The following UNC5C variants were observed in gnomAD, a reference collection of about 807,000 sequenced individuals.
The protein encoded by UNC5C is unc-5 netrin receptor C.
UNC5C carries 47 observed loss-of-function variants against 99.8 expected under a neutral mutation model. That is an observed-to-expected ratio of 0.47 (90% CI 0.37 to 0.60). The LOEUF (loss-of-function observed/expected upper bound fraction) is 0.60. UNC5C is among the 20% of genes least tolerant of loss of function. UNC5C has a pLI of 0.00. For missense variants in UNC5C, 1,062 were observed against 1,165.9 expected, an observed-to-expected ratio of 0.91 and a Z score of 1.30; for synonymous variants, 487 against 452.2, an observed-to-expected ratio of 1.08 and a Z score of -0.98.
chr4:95,348,885 G>A (rs1209517448), intron 1 of UNC5C, among the ~76,000 whole-genome samples: 3 of 148,914 alleles, frequency 2.0e-5, no homozygotes, highest in Non-Finnish European at 4.4e-5. Context: ...AACTTCACAG[G>A]TTCACACATA....
chr4:95,351,515 C>T (rs1387353644), intron 1 of UNC5C, among the ~76,000 whole-genome samples: 1 of 151,886 alleles, frequency 6.6e-6, no homozygotes, highest in Non-Finnish European at 1.5e-5. Context: ...AGATCCAGTT[C>T]CCACATTTAA....
intron 4 of UNC5C, among the ~76,000 whole-genome samples, chr4:95,266,103 C>CA (rs372882607): frequency 1.3e-5 from 2 of 151,964 alleles, no homozygotes; most frequent in Non-Finnish European, 2.9e-5. Flanking sequence ...TAATATCTTC[C>CA]AAAAAAACAC....
intron 2 of UNC5C, among the ~76,000 whole-genome samples, chr4:95,319,666 G>A (rs1032658305): frequency 6.6e-6 from 1 of 152,120 alleles, no homozygotes; most frequent in African/African-American, 2.4e-5. Flanking sequence ...CAGGACTGAT[G>A]GTAAACACGG....
chr4:95,314,135 A>C (rs1320624665), intron 2 of UNC5C, among the ~76,000 whole-genome samples: 1 of 152,206 alleles, frequency 6.6e-6, no homozygotes, highest in Non-Finnish European at 1.5e-5. Context: ...TTAGGAGGGG[A>C]GAAGAGCACC....
intron 1 of UNC5C, among the ~76,000 whole-genome samples, chr4:95,348,427 A>G (rs1383084906): frequency 6.6e-6 from 1 of 151,636 alleles, no homozygotes; most frequent in African/African-American, 2.4e-5. Flanking sequence ...CCCAAAAGAA[A>G]GGAAATCAGT....
chr4:95,189,216 GT>G (rs1736966158), intron 12 of UNC5C, among the ~76,000 whole-genome samples: 1 of 152,212 alleles, frequency 6.6e-6, no homozygotes, highest in Non-Finnish European at 1.5e-5. Flanking sequence ...GAATCCACCT[GT>G]TGCTTTGATG....
At chr4:95,186,520 A>T (rs912116806) in intron 12 of UNC5C, among the ~76,000 whole-genome samples, 2 of 152,204 alleles carry the variant, frequency 1.3e-5, no homozygotes, top group African/African-American at 4.8e-5. Context: ...TTACATGCAA[A>T]CAGCTCATTT....
At chr4:95,250,299 C>A (rs1739649139) in intron 5 of UNC5C, among the ~76,000 whole-genome samples, 188 bp downstream of exon 5, 1 of 152,034 alleles carries the variant, frequency 6.6e-6, no homozygotes, top group African/African-American at 2.4e-5. Context: ...GTGGGAGTAT[C>A]CCTTGAGCCT....
At chr4:95,535,222 A>G (rs1004553284) in intron 1 of UNC5C, among the ~76,000 whole-genome samples, 2 of 150,764 alleles carry the variant, frequency 1.3e-5, no homozygotes, top group African/African-American at 4.9e-5. Context: ...GTAAAATCAG[A>G]ATCTCATAAC....
rs1264967457 is a variant in UNC5C at position 95,250,497 on chromosome 4, G to A, written c.765C>T (p.Val255=). Residue 255 remains valine, a synonymous_variant, in exon 5 of 16, where the codon GTC becomes GTT. Transcript: ENST00000453304. ...TGAAGGGCCACTCACCATAGACTAT[G>A]ACAGTGGCAGTTGTACTTTTCCTCT... ...VAKRKSTTAT[V]IVYVNGGWST... is the part of the protein sequence containing the mutation. 3.1e-6 allele frequency: 5 copies of A among 1,613,970 alleles called. No homozygotes were observed. Among genetic ancestry groups the A allele is most frequent in the Non-Finnish European group, 4.2e-6 (5 of 1,179,926 alleles).
chr4:95,500,304 AT>A (rs34242788), intron 1 of UNC5C, among the ~76,000 whole-genome samples: 1 of 152,066 alleles, frequency 6.6e-6, no homozygotes, highest in Non-Finnish European at 1.5e-5. Context: ...TATTCTACCC[AT>A]TTGGTTTCTT....
intron 1 of UNC5C, among the ~76,000 whole-genome samples, chr4:95,397,132 C>A (rs1158419163): frequency 1.3e-5 from 2 of 152,146 alleles, no homozygotes; most frequent in Non-Finnish European, 2.9e-5. Flanking sequence ...CAGGGAAATG[C>A]AGCCTTTTGA....
chr4:95,327,972 C>A lies in UNC5C; in HGVS notation c.346+7438G>T, dbSNP rs373114570. On this transcript the variant is annotated intron_variant, in intron 2 of 15. Coordinates refer to ENST00000453304, the MANE Select transcript of UNC5C (RefSeq NM_003728.4). ...TTAACATTTAAGCCATCCGTGGAGG[C>A]AAAGCTAAAATAGCATTGTTTATAA... 6.1e-5 allele frequency among the ~76,000 whole-genome samples: 9 copies of A among 147,388 alleles called. No homozygotes were observed. The East Asian group carries it at 1.4e-3, about 24-fold the overall frequency.
intron 1 of UNC5C, among the ~76,000 whole-genome samples, chr4:95,348,060 G>GA (rs1038037457): frequency 1.3e-5 from 2 of 151,744 alleles, no homozygotes; most frequent in South Asian, 2.1e-4. Context: ...AACTGTACAG[G>GA]AAAAAATCTA....
chr4:95,400,819 T>C (rs150174576), intron 1 of UNC5C, among the ~76,000 whole-genome samples: 112 of 152,328 alleles, frequency 7.4e-4, no homozygotes, highest in Middle Eastern at 3.4e-3. Context: ...CATTGCAGCC[T>C]GTGAGACCCA....
At chr4:95,430,462 A>G (rs1214425004) in intron 1 of UNC5C, among the ~76,000 whole-genome samples, 1 of 152,100 alleles carries the variant, frequency 6.6e-6, no homozygotes, top group Non-Finnish European at 1.5e-5. Flanking sequence ...TTTACCTTCA[A>G]TTACCTATTA....
intron 11 of UNC5C, among the ~76,000 whole-genome samples, chr4:95,205,837 A>G (rs1342026002): frequency 6.6e-6 from 1 of 151,946 alleles, no homozygotes; most frequent in Non-Finnish European, 1.5e-5. Context: ...AATGCTGCAG[A>G]TTTTCTTCCT....
At position 95,408,591 on chromosome 4, in the gene UNC5C, G is replaced by T. The variant is rs192521960; in HGVS notation, c.125-72960C>A. ...AAAAGCAGCACAGTCAGTATTATTTGATATATACTAACTGAACACTGAACC... is the reference window on the plus strand; with the variant it reads ...AAAAGCAGCACAGTCAGTATTATTTTATATATACTAACTGAACACTGAACC... On this transcript the variant is annotated intron_variant, in intron 1 of 15. Coordinates refer to ENST00000453304, the MANE Select transcript of UNC5C (RefSeq NM_003728.4). 5.0e-3 allele frequency among the ~76,000 whole-genome samples: 756 copies of T among 152,222 alleles called. 5 individuals carry two copies. Among genetic ancestry groups the T allele is most frequent in the Middle Eastern group, 0.034 (10 of 294 alleles).
intron 3 of UNC5C, among the ~76,000 whole-genome samples, chr4:95,278,927 T>G (rs1740956667): frequency 6.6e-6 from 1 of 152,216 alleles, no homozygotes; most frequent in South Asian, 2.1e-4. Flanking sequence ...TTTTAACAAT[T>G]AATAAAGTTC....
Sources: allele counts gnomAD v4.1 joint callset (sites outside exome capture counted in the v4.1 genomes callset), GRCh38; gene constraint gnomAD v4.1.1; transcripts MANE v1.5; gene names NCBI Gene and HGNC (gene_info 2026-07-23, HGNC 2026-07-21).